DNAH6: variants seen among roughly 807,000 people sequenced by gnomAD.
DNAH6 encodes the protein dynein axonemal heavy chain 6.
Under a neutral mutation model 491.4 loss-of-function variants are expected in DNAH6, and 340 were observed. The ratio of observed to expected loss-of-function variants is 0.69; its 90% CI spans 0.63 to 0.76. DNAH6 has a LOEUF of 0.76. DNAH6 is among the 30% of genes least tolerant of loss of function. The pLI, the probability that DNAH6 is intolerant of heterozygous loss-of-function variation, is 0.00. For synonymous variants in DNAH6, 1,603 were observed against 1,686.1 expected (o/e 0.95, Z 1.21); for missense variants, 4,443 against 4,972.2 (o/e 0.89, Z 3.20).
the DNAH6 span, among the ~76,000 whole-genome samples, chr2:84,478,548 T>C: frequency 6.6e-6 from 1 of 152,160 alleles, no homozygotes; most frequent in East Asian, 1.9e-4. Context: ...CTTTGACCTC[T>C]CCTCCAGAAG....
At chr2:84,567,419 G>A (rs1055873476) in intron 11 of DNAH6, among the ~76,000 whole-genome samples, 29 of 152,116 alleles carry the variant, frequency 1.9e-4, no homozygotes, top group Non-Finnish European at 3.1e-4. Context: ...CAAGGCTACC[G>A]TAACCAAAAC....
intron 5 of DNAH6, among the ~76,000 whole-genome samples, chr2:84,546,117 T>C (rs1678761320): frequency 6.6e-6 from 1 of 152,130 alleles, no homozygotes; most frequent in South Asian, 2.1e-4. Flanking sequence ...CAACCACTAA[T>C]CTACTTTCTA....
At chr2:84,526,245 G>T (rs1358085291) in intron 3 of DNAH6, among the ~76,000 whole-genome samples, 1 of 152,004 alleles carries the variant, frequency 6.6e-6, no homozygotes, top group Admixed American at 6.6e-5. Flanking sequence ...AAACAATAAG[G>T]GGAGAAAATA....
intron 63 of DNAH6, among the ~76,000 whole-genome samples, chr2:84,753,355 T>G (rs1444748200): frequency 6.6e-6 from 1 of 152,242 alleles, no homozygotes; most frequent in Non-Finnish European, 1.5e-5. Flanking sequence ...GTAGTGTCCT[T>G]TTGAAGCACA....
chr2:84,627,468 C>G (rs1171611108), intron 29 of DNAH6, among the ~76,000 whole-genome samples: 1 of 152,158 alleles, frequency 6.6e-6, no homozygotes. Context: ...ACTTTGAAGG[C>G]CTCACTTCAT....
intron 11 of DNAH6, among the ~76,000 whole-genome samples, chr2:84,565,863 C>T (rs1681145745): frequency 6.6e-6 from 1 of 151,792 alleles, no homozygotes; most frequent in Non-Finnish European, 1.5e-5. Context: ...CTTTTTCCTT[C>T]TTAATTGGTG....
At chr2:84,657,945 T>C (rs947914356) in intron 35 of DNAH6, among the ~76,000 whole-genome samples, 6 of 152,080 alleles carry the variant, frequency 3.9e-5, no homozygotes, top group African/African-American at 1.4e-4. Flanking sequence ...TTGTCTTCTG[T>C]GTTTCTTCTT....
chr2:84,692,157 C>G (rs1694924020), intron 45 of DNAH6, among the ~76,000 whole-genome samples: 1 of 152,176 alleles, frequency 6.6e-6, no homozygotes, highest in African/African-American at 2.4e-5. Flanking sequence ...TAGTAACTAA[C>G]TGTTACAGTC....
intron 11 of DNAH6, among the ~76,000 whole-genome samples, chr2:84,562,513 T>G (rs1253810156): frequency 6.6e-6 from 1 of 152,128 alleles, no homozygotes; most frequent in Admixed American, 6.6e-5. Flanking sequence ...AATAAGAAAG[T>G]GGGGCTTGTG....
chr2:84,588,412 A>T (rs1418126368), intron 15 of DNAH6, among the ~76,000 whole-genome samples: 2 of 151,992 alleles, frequency 1.3e-5, no homozygotes, highest in African/African-American at 4.8e-5. Context: ...TATATTTTTC[A>T]TTTTCTCTCT....
chr2:84,787,135 T>C, intron 67 of DNAH6, 29 bp from the exon 68 acceptor site: 3 of 1,456,282 alleles, frequency 2.1e-6, no homozygotes, highest in Non-Finnish European at 2.7e-6. Flanking sequence ...TCAAATTTTA[T>C]TTCAGATCAT....
At chr2:84,517,162 G>A (rs1475962728) in intron 1 of DNAH6, among the ~76,000 whole-genome samples, 3 of 152,144 alleles carry the variant, frequency 2.0e-5, no homozygotes, top group Admixed American at 6.5e-5. Flanking sequence ...AAGGTGTTTC[G>A]AAGTATCTCC....
intron 70 of DNAH6, among the ~76,000 whole-genome samples, chr2:84,801,361 G>A (rs1678895803): frequency 6.6e-6 from 1 of 151,780 alleles, no homozygotes; most frequent in Non-Finnish European, 1.5e-5. Flanking sequence ...AAGTTGGCAT[G>A]CAGATACAAG....
At chr2:84,535,122 A>G (rs943060411) in intron 4 of DNAH6, among the ~76,000 whole-genome samples, 3 of 151,904 alleles carry the variant, frequency 2.0e-5, no homozygotes, top group African/African-American at 7.2e-5. Context: ...TTCTTACCAC[A>G]TCCTTGAGTT....
At chr2:84,592,826 G>T (rs1228630895) in intron 16 of DNAH6, among the ~76,000 whole-genome samples, 1 of 152,138 alleles carries the variant, frequency 6.6e-6, no homozygotes, top group African/African-American at 2.4e-5. Flanking sequence ...AAATAAGCCT[G>T]CTACAAAAGG....
At chr2:84,668,039 A>G (rs1692335907) in intron 37 of DNAH6, among the ~76,000 whole-genome samples, 1 of 151,466 alleles carries the variant, frequency 6.6e-6, no homozygotes. Flanking sequence ...GAATTGAACA[A>G]TGAGAACACT....
the DNAH6 span, among the ~76,000 whole-genome samples, chr2:84,465,630 A>G: frequency 2.0e-5 from 3 of 152,246 alleles, no homozygotes; most frequent in Non-Finnish European, 4.4e-5. Flanking sequence ...AAAGCTTTCC[A>G]TGGACTGGGC....
rs1692813258 is a variant in DNAH6 at position 84,672,322 on chromosome 2, C to T, written c.6455-5C>T. 1.3e-6 allele frequency: 2 copies of T among 1,543,896 alleles called. No individual in the cohort carries two copies. The highest frequency in any genetic ancestry group is 1.4e-5 in the African/African-American group (1 of 72,748). ...TCTTAAATTAAATTCATTTTATTTC[C>T]CTAGGAGCACCGGGAAACAAACGAA... On this transcript the variant is annotated splice_region_variant and splice_polypyrimidine_tract_variant and intron_variant, in intron 39 of 76. Coordinates refer to ENST00000389394, the MANE Select transcript of DNAH6 (RefSeq NM_001370.2).
chr2:84,532,625 A>G (rs1010245322), intron 4 of DNAH6, among the ~76,000 whole-genome samples: 1 of 152,154 alleles, frequency 6.6e-6, no homozygotes, highest in Non-Finnish European at 1.5e-5. Flanking sequence ...ATAATCTTTC[A>G]ATCTAGAGCA....
Sources: allele counts gnomAD v4.1 joint callset (sites outside exome capture counted in the v4.1 genomes callset), GRCh38; gene constraint gnomAD v4.1.1; transcripts MANE v1.5; gene names NCBI Gene and HGNC (gene_info 2026-07-23, HGNC 2026-07-21).